The following NELL1 variants were observed in gnomAD, a reference collection of about 807,000 sequenced individuals.
NELL1 encodes protein kinase C-binding protein NELL1.
A neutral mutation model predicts 107.4 loss-of-function variants in NELL1; 76 were observed. The ratio of observed to expected loss-of-function variants is 0.71; its 90% CI spans 0.59 to 0.86. NELL1 has a LOEUF of 0.86. Ranked by LOEUF, NELL1 falls within the 40% of genes least tolerant of loss-of-function variation. The pLI is 0.00. For synonymous variants in NELL1, 353 were observed against 341.2 expected, an observed-to-expected ratio of 1.03 and a Z score of -0.38; for missense variants, 1,024 against 1,005.5, an observed-to-expected ratio of 1.02 and a Z score of -0.25.
At chr11:21,467,840 T>G (rs1854071225) in intron 15 of NELL1, among the ~76,000 whole-genome samples, 1 of 151,936 alleles carries the variant, frequency 6.6e-6, no homozygotes, top group African/African-American at 2.4e-5. Context: ...AATTTGTGGG[T>G]GATGAAAGCA....
chr11:21,000,134 T>A (rs552000269), intron 12 of NELL1, among the ~76,000 whole-genome samples: 1 of 152,270 alleles, frequency 6.6e-6, no homozygotes, highest in East Asian at 1.9e-4. Context: ...TGGAAAACTT[T>A]TCTACTTAGC....
chr11:21,162,866 C>T (rs1414341449), intron 13 of NELL1, among the ~76,000 whole-genome samples: 2 of 152,096 alleles, frequency 1.3e-5, no homozygotes, highest in Non-Finnish European at 2.9e-5. Context: ...TTCAATACAA[C>T]AATTTAATTG....
intron 14 of NELL1, among the ~76,000 whole-genome samples, chr11:21,289,522 C>G (rs565050022): frequency 6.6e-6 from 1 of 152,300 alleles, no homozygotes; most frequent in African/African-American, 2.4e-5. Context: ...ACTTGCAGAC[C>G]AGGAGATTCC....
intron 15 of NELL1, among the ~76,000 whole-genome samples, chr11:21,463,992 T>A (rs1320521452): frequency 6.6e-6 from 1 of 152,068 alleles, no homozygotes; most frequent in East Asian, 1.9e-4. Flanking sequence ...ATATCCATGG[T>A]ATCCTCATGT....
intron 2 of NELL1, among the ~76,000 whole-genome samples, chr11:20,729,342 T>C (rs1442351002): frequency 2.0e-5 from 3 of 152,168 alleles, no homozygotes; most frequent in Non-Finnish European, 2.9e-5. Flanking sequence ...TCCAATACTA[T>C]GTTGAACAGG....
intron 16 of NELL1, among the ~76,000 whole-genome samples, chr11:21,542,481 C>T (rs1394219582): frequency 1.3e-5 from 2 of 152,014 alleles, no homozygotes; most frequent in Non-Finnish European, 2.9e-5. Context: ...GTGTGATGAG[C>T]ACTAGGGACT....
chr11:20,968,734 C>T (rs1851435406), intron 12 of NELL1, among the ~76,000 whole-genome samples: 1 of 152,156 alleles, frequency 6.6e-6, no homozygotes, highest in African/African-American at 2.4e-5. Flanking sequence ...ACACGTGGCT[C>T]CCCTCAAAAC....
chr11:21,360,786 T>A (rs557675867), intron 14 of NELL1, among the ~76,000 whole-genome samples: 1 of 152,308 alleles, frequency 6.6e-6, no homozygotes, highest in Non-Finnish European at 1.5e-5. Flanking sequence ...TAATAGCTAC[T>A]CCTGCTCACT....
chr11:21,060,991 T>A (rs1043068983), intron 12 of NELL1, among the ~76,000 whole-genome samples: 3 of 152,194 alleles, frequency 2.0e-5, no homozygotes, highest in African/African-American at 7.2e-5. Flanking sequence ...TGCCTCGGCA[T>A]CCCAAAGTGC....
chr11:21,529,658 A>G (rs1855947770), intron 15 of NELL1, among the ~76,000 whole-genome samples: 1 of 152,142 alleles, frequency 6.6e-6, no homozygotes, highest in African/African-American at 2.4e-5. Flanking sequence ...AATCCAAATG[A>G]TTATTTTTAA....
chr11:21,327,352 A>G (rs1299394636), intron 14 of NELL1, among the ~76,000 whole-genome samples: 1 of 152,040 alleles, frequency 6.6e-6, no homozygotes, highest in Non-Finnish European at 1.5e-5. Flanking sequence ...TAAAAAAAAA[A>G]ATCTGATGGT....
chr11:21,162,190 C>T (rs147885908), intron 13 of NELL1, among the ~76,000 whole-genome samples: 1 of 152,108 alleles, frequency 6.6e-6, no homozygotes. Context: ...ACCTCATGAT[C>T]TGCCCTCCTT....
rs574107496 is a variant in NELL1 at position 21,316,793 on chromosome 11, G to C, written c.1550-54060G>C. 1.6e-4 allele frequency among the ~76,000 whole-genome samples: 25 copies of C among 152,248 alleles called. No individual in the cohort carries two copies. The South Asian group carries it at 5.2e-3, about 32-fold the overall frequency. On this transcript the variant is annotated intron_variant, in intron 14 of 19. Transcript: ENST00000357134. ...AGCTGCTCCTCACTGACAGCAAAGA[G>C]AATGATGCTCAGAGTCTCTTGTGGG...
intron 5 of NELL1, among the ~76,000 whole-genome samples, chr11:20,914,470 A>G (rs1445094065): frequency 6.6e-6 from 1 of 152,112 alleles, no homozygotes; most frequent in Non-Finnish European, 1.5e-5. Flanking sequence ...GGGGTTGTGG[A>G]GAAGAAGCTT....
chr11:21,285,468 C>G (rs112483941), intron 14 of NELL1, among the ~76,000 whole-genome samples: 1 of 152,230 alleles, frequency 6.6e-6, no homozygotes, highest in African/African-American at 2.4e-5. Flanking sequence ...CAACATACAG[C>G]AGAGCTGACA....
At chr11:21,191,919 C>A (rs1189614687) in intron 13 of NELL1, among the ~76,000 whole-genome samples, 1 of 151,830 alleles carries the variant, frequency 6.6e-6, no homozygotes, top group Non-Finnish European at 1.5e-5. Context: ...ATTTAGCTTA[C>A]ACATTCCAAA....
chr11:21,468,833 G>A (rs778543903), intron 15 of NELL1, among the ~76,000 whole-genome samples: 1 of 152,014 alleles, frequency 6.6e-6, no homozygotes, highest in Non-Finnish European at 1.5e-5. Context: ...TCTGAAAGCA[G>A]GTTTGCAGAA....
intron 14 of NELL1, among the ~76,000 whole-genome samples, chr11:21,245,707 T>A (rs1858473230): frequency 6.6e-6 from 1 of 152,148 alleles, no homozygotes; most frequent in South Asian, 2.1e-4. Flanking sequence ...GGTTATTTAG[T>A]AAATGTTCAT....
chr11:21,346,000 CT>C (rs1850675922), intron 14 of NELL1, among the ~76,000 whole-genome samples: 1 of 152,128 alleles, frequency 6.6e-6, no homozygotes, highest in South Asian at 2.1e-4. Flanking sequence ...TGATAGCCTG[CT>C]TTTGTGCCAT....
Sources: allele counts gnomAD v4.1 joint callset (sites outside exome capture counted in the v4.1 genomes callset), GRCh38; gene constraint gnomAD v4.1.1; transcripts MANE v1.5; gene names NCBI Gene and HGNC (gene_info 2026-07-23, HGNC 2026-07-21).